EPB41L1: variants seen among roughly 807,000 people sequenced by gnomAD.
EPB41L1 encodes band 4.1-like protein 1.
In EPB41L1, 29 loss-of-function variants were observed where a neutral mutation model predicts 97.8. That is an observed-to-expected ratio of 0.30 (90% CI 0.22 to 0.40). EPB41L1 has a LOEUF of 0.40. Ranked by LOEUF, EPB41L1 falls within the 10% of genes least tolerant of loss-of-function variation. EPB41L1 has a pLI of 1.00. For synonymous variants in EPB41L1, 383 were observed against 459.2 expected (o/e 0.83, Z 2.12); for missense variants, 812 against 1,162.3 (o/e 0.70, Z 4.38).
At chr20:36,115,307 G>C (rs1382736110) in intron 2 of EPB41L1, among the ~76,000 whole-genome samples, 1 of 152,188 alleles carries the variant, frequency 6.6e-6, no homozygotes, top group African/African-American at 2.4e-5. Context: ...TGTTTGGTAG[G>C]CCAAGTGGCC....
chr20:36,115,892 A>G (rs1190335997), intron 2 of EPB41L1, among the ~76,000 whole-genome samples: 1 of 152,160 alleles, frequency 6.6e-6, no homozygotes, highest in Non-Finnish European at 1.5e-5. Context: ...ACTGTCTCAA[A>G]AATATAATAA....
intron 14 of EPB41L1, among the ~76,000 whole-genome samples, chr20:36,202,391 T>A (rs568911127): frequency 6.6e-6 from 1 of 152,292 alleles, no homozygotes; most frequent in Non-Finnish European, 1.5e-5. Context: ...AGGCCAGCCC[T>A]TCGGAGACTT....
At chr20:36,125,604 C>A in intron 2 of EPB41L1, 1 of 1,514,782 alleles carries the variant, frequency 6.6e-7, no homozygotes. Context: ...AGGCATGAAA[C>A]ACTTTGGAGT....
At chr20:36,197,570 T>C in intron 13 of EPB41L1, 1 of 933,616 alleles carries the variant, frequency 1.1e-6, no homozygotes. Flanking sequence ...TGGGTAGAGG[T>C]TGGCTGTTCA....
chr20:36,150,070 G>GA (rs2059987502), upstream of EPB41L1, among the ~76,000 whole-genome samples: 1 of 141,582 alleles, frequency 7.1e-6, no homozygotes, highest in South Asian at 2.3e-4. Context: ...AGGTTTTTTT[G>GA]TTTTTTTTTT....
chr20:36,229,429 C>T lies in EPB41L1; in HGVS notation c.*89C>T. 7.6e-7 allele frequency: 1 copy of T among 1,309,378 alleles called. No individual in the cohort carries two copies. Among genetic ancestry groups the T allele is most frequent in the Non-Finnish European group, 1.1e-6 (1 of 903,172 alleles). The allele number at this position is 1,309,378 out of a possible 1,614,324, so 81.1% of individuals were successfully genotyped here. A position where few individuals can be genotyped will look rare whatever the true frequency, so the allele number is the denominator to read the frequency against. On this transcript the variant is annotated 3_prime_UTR_variant, in exon 22 of 22. Transcript: ENST00000338074. ...CTTCATTCTGGATTCTCCGACGCAACACTGACGTCCCAGCTGCGACGTACT... is the reference window on the plus strand; with the variant it reads ...CTTCATTCTGGATTCTCCGACGCAATACTGACGTCCCAGCTGCGACGTACT...
chr20:36,154,422 C>G (rs1378227831), upstream of EPB41L1, among the ~76,000 whole-genome samples: 1 of 151,928 alleles, frequency 6.6e-6, no homozygotes, highest in African/African-American at 2.4e-5. The surrounding 1 kb of genome is among the most constrained non-coding windows in gnomAD (Gnocchi z 5.5). Flanking sequence ...GAGAGGCCCC[C>G]CAGCTGCACA....
chr20:36,121,095 G>A (rs1569055361), intron 2 of EPB41L1, among the ~76,000 whole-genome samples: 2 of 149,016 alleles, frequency 1.3e-5, no homozygotes, highest in Admixed American at 6.7e-5. Flanking sequence ...AAAAGAGAGC[G>A]ATCTCAGAGA....
chr20:36,100,975 G>T (rs765422511), intron 1 of EPB41L1, among the ~76,000 whole-genome samples: 7 of 152,176 alleles, frequency 4.6e-5, no homozygotes, highest in Non-Finnish European at 1.0e-4. Flanking sequence ...ATGGGGGGTG[G>T]TGACAGGGCC....
chr20:36,148,465 CCAGT>C (rs1329217531), intron 2 of EPB41L1, among the ~76,000 whole-genome samples: 1 of 152,122 alleles, frequency 6.6e-6, no homozygotes, highest in African/African-American at 2.4e-5. Flanking sequence ...GGACCTGGAA[CCAGT>C]CAGTTTGACA....
At chr20:36,191,529 T>G (rs1024417895) in intron 11 of EPB41L1, among the ~76,000 whole-genome samples, 3 of 152,154 alleles carry the variant, frequency 2.0e-5, no homozygotes, top group Non-Finnish European at 4.4e-5. Context: ...TCCCAGGTTT[T>G]GCCCCAGACC....
intron 3 of EPB41L1, 123 bp from the exon 4 acceptor site, chr20:36,177,829 A>C: frequency 1.3e-6 from 1 of 788,586 alleles, no homozygotes; most frequent in South Asian, 1.5e-5. Context: ...GGAGCGCTGC[A>C]TTCCTGTCCA....
At chr20:36,103,998 C>T (rs991806721) in intron 1 of EPB41L1, among the ~76,000 whole-genome samples, 6 of 152,168 alleles carry the variant, frequency 3.9e-5, no homozygotes, top group South Asian at 2.1e-4. Flanking sequence ...GCCACCGCCC[C>T]GGCATTATTA....
In EPB41L1 at chr20:36,207,442, G is replaced by C; in HGVS notation, c.1669-2046G>C. 7.8e-7 allele frequency: 1 copy of C among 1,289,812 alleles called. No individual in the cohort carries two copies. Among genetic ancestry groups the C allele is most frequent in the Non-Finnish European group, 1.0e-6 (1 of 988,876 alleles). 79.9% of individuals were successfully genotyped at this position (1,289,812 alleles called of 1,614,324 possible). A position where few individuals can be genotyped will look rare whatever the true frequency, so the allele number is the denominator to read the frequency against. On this transcript the variant is annotated intron_variant, in intron 14 of 21. Transcript: ENST00000338074. This position sits in a 1 kb window ranked among gnomAD's most constrained non-coding sequence, Gnocchi z 4.9. The stretch of plus-strand genomic sequence containing the variant: ...CCTAGAAGATATTAGCAAGACCTCA[G>C]TGGCCAACAAAATTCGGATATTTGA...
At position 36,190,354 on chromosome 20, in the gene EPB41L1, C is replaced by G; in HGVS notation, c.1104C>G (p.Ile368Met). 1 of 1,614,116 alleles carries G rather than the reference C, an allele frequency of 6.2e-7. No individual in the cohort carries two copies. Among genetic ancestry groups the G allele is most frequent in the Non-Finnish European group, 8.5e-7 (1 of 1,180,026 alleles). Residue 368 changes from isoleucine to methionine, a missense_variant, in exon 10 of 22, where the codon ATC (isoleucine) becomes ATG (methionine). This residue lies in a region of EPB41L1 where 230 missense variants were observed against 445.2 expected (regional missense o/e 0.52). Coordinates refer to ENST00000338074, the MANE Select transcript of EPB41L1 (RefSeq NM_012156.2). The surrounding 1 kb of genome is among the most constrained non-coding windows in gnomAD (Gnocchi z 5.8). Reference sequence around the variant, plus strand: ...CCAAGAGACTGTGGAAGGTCTGCATCGAGCATCATACATTCTTCCGGTGAG... The same window carrying G: ...CCAAGAGACTGTGGAAGGTCTGCATGGAGCATCATACATTCTTCCGGTGAG... The part of the protein sequence containing the change: ...RSAKRLWKVC[I>M]EHHTFFRLVS...
intron 21 of EPB41L1, 40 bp from the exon 22 acceptor site, chr20:36,229,292 C>A (rs1310655228): frequency 3.3e-6 from 5 of 1,505,548 alleles, no homozygotes; most frequent in Non-Finnish European, 4.6e-6. Context: ...TTTCCCCCCA[C>A]TCCCCACCCC....
intron 5 of EPB41L1, among the ~76,000 whole-genome samples, chr20:36,178,894 TA>T (rs199765437): frequency 3.3e-5 from 5 of 149,792 alleles, no homozygotes; most frequent in African/African-American, 7.3e-5. Context: ...CTGTCCCTAC[TA>T]AAAAAAAATA....
intron 21 of EPB41L1, 36 bp from the exon 22 acceptor site, chr20:36,229,296 C>A (rs1324228617): frequency 6.3e-7 from 1 of 1,575,076 alleles, no homozygotes; most frequent in Non-Finnish European, 8.7e-7. Flanking sequence ...CCCCCACTCC[C>A]CACCCCCCAT....
chr20:36,207,185 A>G lies in EPB41L1; in HGVS notation c.1669-2303A>G. ...TCAGGGGAGCCTTCGGAGCTCAGGG[A>G]GCCCTTTCTTAGACATGTCCATCTT... On this transcript the variant is annotated intron_variant, in intron 14 of 21. Coordinates refer to ENST00000338074, the MANE Select transcript of EPB41L1 (RefSeq NM_012156.2). The surrounding 1 kb of genome is among the most constrained non-coding windows in gnomAD (Gnocchi z 4.9). 4 of 1,288,314 alleles carry G rather than the reference A, an allele frequency of 3.1e-6. No individual in the cohort carries two copies. Among genetic ancestry groups the G allele is most frequent in the Non-Finnish European group, 4.0e-6 (4 of 987,816 alleles). 79.8% of individuals were successfully genotyped at this position (1,288,314 alleles called of 1,614,324 possible).
Sources: allele counts gnomAD v4.1 joint callset (sites outside exome capture counted in the v4.1 genomes callset), GRCh38; gene constraint gnomAD v4.1.1; regional missense constraint gnomAD v4.1.1; non-coding constraint Gnocchi (gnomAD v3.1); transcripts MANE v1.5; gene names NCBI Gene and HGNC (gene_info 2026-07-23, HGNC 2026-07-21).